The following NUP133 variants were observed in gnomAD, a reference collection of about 807,000 sequenced individuals.
NUP133 encodes the protein nucleoporin 133.
In NUP133, 66 loss-of-function variants were observed where a neutral mutation model predicts 146.2. The observed-to-expected ratio is 0.45, with a 90% confidence interval of 0.37 to 0.55. The LOEUF (loss-of-function observed/expected upper bound fraction) is 0.55. Ranked by LOEUF, NUP133 falls within the 20% of genes least tolerant of loss-of-function variation. The pLI is 0.00. For missense variants in NUP133, 1,277 were observed against 1,374.8 expected (o/e 0.93, Z 1.12); for synonymous variants, 521 against 498.8 (o/e 1.04, Z -0.59).
intron 23 of NUP133, 152 bp from the exon 24 acceptor site, chr1:229,449,342 A>T (rs1242951860): frequency 1.7e-6 from 1 of 595,178 alleles, no homozygotes; most frequent in East Asian, 2.9e-5. Flanking sequence ...TGATTTTATC[A>T]GCAACCTTGA....
chr1:229,468,453 A>G (rs1176219808), intron 15 of NUP133, among the ~76,000 whole-genome samples: 1 of 152,240 alleles, frequency 6.6e-6, no homozygotes, highest in African/African-American at 2.4e-5. Flanking sequence ...ATCATGAGAA[A>G]TGAAGATAAA....
At chr1:229,488,126 G>T (rs1390329300) in intron 9 of NUP133, among the ~76,000 whole-genome samples, 13 of 152,196 alleles carry the variant, frequency 8.5e-5, no homozygotes, top group Middle Eastern at 6.8e-3. Flanking sequence ...GATTACAGGC[G>T]TGAGCCACCG....
At chr1:229,490,674 G>T (rs1661488347) in intron 8 of NUP133, among the ~76,000 whole-genome samples, 1 of 152,134 alleles carries the variant, frequency 6.6e-6, no homozygotes, top group Non-Finnish European at 1.5e-5. Context: ...AAAATTTGTA[G>T]AATTAGGGCC....
In NUP133 at chr1:229,441,684, A is replaced by G; in HGVS notation, c.*220T>C. On this transcript the variant is annotated 3_prime_UTR_variant, in exon 26 of 26. Coordinates refer to ENST00000261396, the MANE Select transcript of NUP133 (RefSeq NM_018230.3). ...AAAAGAAAGGGCACCGAGTACAGGA[A>G]CAACAACTGACACATTTCAGGTGGA... The G allele has an allele frequency of 2.3e-6, 1 of 444,300 alleles. No individual in the cohort carries two copies. Among genetic ancestry groups the G allele is most frequent in the Non-Finnish European group, 4.1e-6 (1 of 246,696 alleles). 27.5% of individuals were successfully genotyped at this position (444,300 alleles called of 1,614,324 possible). A position where few individuals can be genotyped will look rare whatever the true frequency, so the allele number is the denominator to read the frequency against.
At position 229,455,396 on chromosome 1, in the gene NUP133, C is replaced by A. The variant is rs544931648; in HGVS notation, c.2981-2753G>T. The stretch of plus-strand genomic sequence containing the variant: ...TACACATGGTGAAACCCCATCTCTA[C>A]AAAAAAATACAAAAATTAGCCGGGC... On this transcript the variant is annotated intron_variant, in intron 21 of 25. Coordinates refer to ENST00000261396, the MANE Select transcript of NUP133 (RefSeq NM_018230.3). 4.0e-5 allele frequency among the ~76,000 whole-genome samples: 6 copies of A among 151,896 alleles called. No homozygotes were observed. The South Asian group carries it at 1.2e-3, about 32-fold the overall frequency.
intron 11 of NUP133, among the ~76,000 whole-genome samples, chr1:229,484,761 C>T (rs1201041042): frequency 6.6e-6 from 1 of 152,038 alleles, no homozygotes; most frequent in Admixed American, 6.5e-5. Context: ...GAATGTATAA[C>T]AGTATTATAA....
chr1:229,444,200 G>A (rs1660253129), intron 25 of NUP133, among the ~76,000 whole-genome samples: 1 of 151,754 alleles, frequency 6.6e-6, no homozygotes, highest in Admixed American at 6.6e-5. Context: ...ACATGGTGGT[G>A]CGTGCCTGTA....
At chr1:229,466,209 T>G (rs76230629) in intron 16 of NUP133, among the ~76,000 whole-genome samples, 6,068 of 152,158 alleles carry the variant, frequency 0.04, 420 homozygotes, top group African/African-American at 0.14. Flanking sequence ...GGTGTCTCAG[T>G]TCTGTAATCC....
Position 229,498,233 on chromosome 1 carries a change from T to C in NUP133, c.722A>G (p.His241Arg). The C allele has an allele frequency of 1.2e-6, 2 of 1,612,896 alleles. No individual in the cohort carries two copies. Among genetic ancestry groups the C allele is most frequent in the South Asian group, 1.1e-5 (1 of 90,718 alleles). The change falls in exon 6 of 26, where the codon CAT becomes CGT. Residue 241 changes from histidine (H) to arginine (R), a missense_variant. This residue lies in a region of NUP133 where 319 missense variants were observed against 306.9 expected (regional missense o/e 1.04). Transcript: ENST00000261396. ...TTGCCCCTGAGGCAGGATATGCTGA[T>C]GAATCTTTCCTGAGCTCTCAGGTAT... ...RLIPESSGKI[H>R]QHILPQGQGM...
In NUP133 at chr1:229,475,714, T is replaced by C. The variant is rs139653543; in HGVS notation, c.1775A>G (p.Asn592Ser). The change falls in exon 14 of 26, where the codon AAT (asparagine) becomes AGT (serine). Residue 592 changes from asparagine (N) to serine (S), a missense_variant. Physicochemically the swap from Asn to Ser is conservative, Grantham distance 46 (BLOSUM62 1). Transcript: ENST00000261396. ...SVPEEAPGFS[N>S]TSLIILHQLE... ...CTGGTGAAGGATAATCAGTGACGTA[T>C]TGCTGAACCCAGGTGCTTCTGTTAA... is the stretch of plus-strand genomic sequence containing the variant. 2.5e-6 allele frequency: 4 copies of C among 1,613,924 alleles called. No homozygotes were observed. The highest frequency in any genetic ancestry group is 3.3e-5 in the Admixed American group (2 of 59,998).
chr1:229,449,873 A>ATATT (rs1261799272), intron 23 of NUP133, among the ~76,000 whole-genome samples: 9 of 85,802 alleles, frequency 1.0e-4, no homozygotes, highest in African/African-American at 2.6e-4. Context: ...ATATATATAT[A>ATATT]TTTTTTTTTT....
chr1:229,477,483 T>A (rs994482670), intron 13 of NUP133, 114 bp downstream of exon 13: 2 of 739,888 alleles, frequency 2.7e-6, no homozygotes, highest in Non-Finnish European at 3.9e-6. Context: ...TTAAAAAATA[T>A]TGAATTAATA....
chr1:229,493,692 G>A (rs1250266097), intron 8 of NUP133, among the ~76,000 whole-genome samples: 1 of 152,220 alleles, frequency 6.6e-6, no homozygotes, highest in Non-Finnish European at 1.5e-5. Context: ...GGAAGGTCAA[G>A]GAGGATAAGG....
At chr1:229,448,979 A>G (rs2102747050) in intron 24 of NUP133, 147 bp downstream of exon 24, 1 of 662,772 alleles carries the variant, frequency 1.5e-6, no homozygotes, top group Non-Finnish European at 2.7e-6. Context: ...GTGCCCACCA[A>G]CAGAACTCAC....
At chr1:229,460,352 C>T (rs1222651451) in intron 20 of NUP133, among the ~76,000 whole-genome samples, 3 of 152,028 alleles carry the variant, frequency 2.0e-5, no homozygotes, top group African/African-American at 4.8e-5. Context: ...TGTGTCACCA[C>T]ACCTGGCTAA....
intron 11 of NUP133, among the ~76,000 whole-genome samples, chr1:229,485,388 A>G (rs1199120117): frequency 6.6e-6 from 1 of 152,194 alleles, no homozygotes; most frequent in Non-Finnish European, 1.5e-5. Context: ...GGGAAAAACT[A>G]CATTGAGGGG....
At chr1:229,464,968 A>C (rs1487415387) in intron 17 of NUP133, 93 bp from the exon 18 acceptor site, 2 of 1,432,902 alleles carry the variant, frequency 1.4e-6, no homozygotes, top group Non-Finnish European at 1.9e-6. Flanking sequence ...CCTCTTCATC[A>C]CTGCTGGAAA....
chr1:229,468,482 TAAAC>T (rs1660876413), intron 15 of NUP133, among the ~76,000 whole-genome samples: 1 of 152,116 alleles, frequency 6.6e-6, no homozygotes. Context: ...GGAACAGTCC[TAAAC>T]ATTACCATTT....
At chr1:229,456,395 C>CT (rs373957575) in intron 21 of NUP133, among the ~76,000 whole-genome samples, 35 of 152,312 alleles carry the variant, frequency 2.3e-4, no homozygotes, top group African/African-American at 8.4e-4. Flanking sequence ...CACTGACCCT[C>CT]TCCCTTTTTG....
Sources: gnomAD v4.1 joint callset for allele counts (sites outside exome capture counted in the v4.1 genomes callset) on GRCh38, gnomAD v4.1.1 for gene constraint, gnomAD v4.1.1 regional missense constraint, MANE v1.5 for transcripts, NCBI Gene and HGNC (gene_info 2026-07-23, HGNC 2026-07-21) for gene names.